PAK5: variants seen among roughly 807,000 people sequenced by gnomAD.
PAK5 encodes the protein serine/threonine-protein kinase PAK 5.
A neutral mutation model predicts 65.9 loss-of-function variants in PAK5; 16 were observed. The observed-to-expected ratio is 0.24, with a 90% CI of 0.16 to 0.37. PAK5 has a LOEUF of 0.37. PAK5 is among the 10% of genes least tolerant of loss of function. PAK5 has a pLI of 1.00. For synonymous variants in PAK5, 371 were observed against 354.9 expected, an observed-to-expected ratio of 1.05 and a Z score of -0.51; for missense variants, 785 against 903.9, an observed-to-expected ratio of 0.87 and a Z score of 1.69.
At chr20:9,729,804 T>G (rs955416250) in intron 1 of PAK5, among the ~76,000 whole-genome samples, 4 of 152,010 alleles carry the variant, frequency 2.6e-5, no homozygotes, top group African/African-American at 9.7e-5. Flanking sequence ...TTTTACATAT[T>G]CTTGTACTCA....
At chr20:9,703,938 G>A (rs1327306492) in intron 2 of PAK5, among the ~76,000 whole-genome samples, 1 of 152,110 alleles carries the variant, frequency 6.6e-6, no homozygotes, top group Non-Finnish European at 1.5e-5. Flanking sequence ...ATCTCATAAG[G>A]CACCTGCTTC....
At chr20:9,675,138 T>C (rs1047733025) in intron 2 of PAK5, among the ~76,000 whole-genome samples, 4 of 152,188 alleles carry the variant, frequency 2.6e-5, no homozygotes, top group Admixed American at 1.3e-4. Flanking sequence ...GACTGAGAAT[T>C]GCAAGGCTAT....
intron 8 of PAK5, among the ~76,000 whole-genome samples, chr20:9,543,582 T>G (rs2045300519): frequency 6.6e-6 from 1 of 152,178 alleles, no homozygotes; most frequent in African/African-American, 2.4e-5. Context: ...TAACTTATGC[T>G]GATGTCCTTA....
chr20:9,753,045 G>A (rs868561415), intron 1 of PAK5, among the ~76,000 whole-genome samples: 1 of 152,080 alleles, frequency 6.6e-6, no homozygotes, highest in South Asian at 2.1e-4. Context: ...CTAGAAGAGG[G>A]CAACCCAGAC....
At chr20:9,746,625 C>T (rs2123602977) in intron 1 of PAK5, among the ~76,000 whole-genome samples, 1 of 152,248 alleles carries the variant, frequency 6.6e-6, no homozygotes, top group African/African-American at 2.4e-5. Context: ...AATTCATTAG[C>T]CATTAGCCAC....
chr20:9,586,746 T>C (rs372858593), intron 3 of PAK5, among the ~76,000 whole-genome samples: 7 of 152,322 alleles, frequency 4.6e-5, no homozygotes, highest in African/African-American at 1.7e-4. Context: ...ATCATGTGAA[T>C]TAATGTGTGG....
At chr20:9,544,257 G>A (rs779850604) in intron 8 of PAK5, 112 bp downstream of exon 8, 4 of 1,154,006 alleles carry the variant, frequency 3.5e-6, no homozygotes, top group Non-Finnish European at 2.5e-6. Context: ...GGGATCAAAT[G>A]TGGAGCTAAA....
chr20:9,746,962 A>G (rs1307594195), intron 1 of PAK5, among the ~76,000 whole-genome samples: 5 of 152,202 alleles, frequency 3.3e-5, no homozygotes, highest in Non-Finnish European at 7.3e-5. Context: ...CAGAAAAGAG[A>G]GAAGAATCAA....
At chr20:9,540,073 C>T (rs1034278003) in intron 9 of PAK5, among the ~76,000 whole-genome samples, 5 of 151,946 alleles carry the variant, frequency 3.3e-5, no homozygotes, top group African/African-American at 1.2e-4. Flanking sequence ...TCATTTTTTT[C>T]TTTGAAGGTC....
intron 2 of PAK5, among the ~76,000 whole-genome samples, chr20:9,662,211 T>G (rs1446314132): frequency 6.6e-6 from 1 of 152,174 alleles, no homozygotes; most frequent in Non-Finnish European, 1.5e-5. Context: ...CATTTCCAAC[T>G]GTGATCACTT....
At chr20:9,710,673 A>T (rs1364613688) in intron 2 of PAK5, among the ~76,000 whole-genome samples, 1 of 151,610 alleles carries the variant, frequency 6.6e-6, no homozygotes. Context: ...TATAATAAAG[A>T]AGAATGGCCT....
At chr20:9,717,872 G>T (rs1464165399) in intron 1 of PAK5, among the ~76,000 whole-genome samples, 1 of 152,082 alleles carries the variant, frequency 6.6e-6, no homozygotes, top group African/African-American at 2.4e-5. Flanking sequence ...CACCCGCCTC[G>T]GCCTCCCAAA....
chr20:9,620,056 T>C (rs1213278497), intron 3 of PAK5, among the ~76,000 whole-genome samples: 2 of 152,206 alleles, frequency 1.3e-5, no homozygotes, highest in African/African-American at 2.4e-5. Flanking sequence ...ACCTTTAGTG[T>C]ACAGATAACA....
rs770286357 is a variant in PAK5 at position 9,557,629 on chromosome 20, G to A, written c.1722C>T (p.Ile574=). The stretch of plus-strand genomic sequence containing the variant: ...TTACCCGGCCATCGCTTGTCAGGAG[G>A]ATGGAGTCACTTTTTATGTCCCTGT... ...VIHRDIKSDS[I]LLTSDGRIKL... The change falls in exon 7 of 10, where the codon ATC becomes ATT. Residue 574 remains isoleucine, a synonymous_variant. Transcript: ENST00000353224. The A allele has an allele frequency of 9.9e-6, 16 of 1,611,640 alleles. No homozygotes were observed. In the Middle Eastern group the frequency reaches 9.9e-4, roughly 100 times the overall value.
At chr20:9,817,668 T>C (rs1429895524) in intron 1 of PAK5, among the ~76,000 whole-genome samples, 1 of 152,218 alleles carries the variant, frequency 6.6e-6, no homozygotes, top group Non-Finnish European at 1.5e-5. Flanking sequence ...ATAATATTTT[T>C]TTAATGCTTA....
intron 2 of PAK5, among the ~76,000 whole-genome samples, chr20:9,662,791 A>C (rs1302487006): frequency 6.6e-6 from 1 of 152,154 alleles, no homozygotes; most frequent in Non-Finnish European, 1.5e-5. Context: ...TTTTCTGATA[A>C]CAACACTATG....
chr20:9,656,789 T>C (rs1187645091), intron 2 of PAK5, among the ~76,000 whole-genome samples: 1 of 152,190 alleles, frequency 6.6e-6, no homozygotes, highest in Non-Finnish European at 1.5e-5. Context: ...GAATGAGCAT[T>C]CCATAATTGT....
At chr20:9,680,843 G>A (rs753981567) in intron 2 of PAK5, among the ~76,000 whole-genome samples, 19 of 152,208 alleles carry the variant, frequency 1.2e-4, no homozygotes, top group Non-Finnish European at 1.9e-4. Flanking sequence ...TCCTACCCTA[G>A]GATAGGATCA....
intron 1 of PAK5, among the ~76,000 whole-genome samples, chr20:9,825,674 T>C (rs1459717466): frequency 6.6e-6 from 1 of 152,220 alleles, no homozygotes; most frequent in Non-Finnish European, 1.5e-5. Context: ...TTTATGCAAA[T>C]GTTTTTACCA....
Sources: gnomAD v4.1 joint callset for allele counts (sites outside exome capture counted in the v4.1 genomes callset) on GRCh38, gnomAD v4.1.1 for gene constraint, MANE v1.5 for transcripts, NCBI Gene and HGNC (gene_info 2026-07-23, HGNC 2026-07-21) for gene names.